Variants in NLGN1 observed in about 807,000 individuals in gnomAD.
NLGN1 encodes the protein neuroligin 1.
In NLGN1, 12 loss-of-function variants were observed where a neutral mutation model predicts 65.5. That is an observed-to-expected ratio of 0.18 (90% CI 0.12 to 0.30). The LOEUF is 0.30. NLGN1 is among the 10% of genes least tolerant of loss of function. The pLI is 1.00. For missense variants in NLGN1, 750 were observed against 1,007.1 expected (o/e 0.74, Z 3.46); for synonymous variants, 350 against 359.5 (o/e 0.97, Z 0.30).
At chr3:174,270,089 T>C (rs1749065847) in intron 4 of NLGN1, among the ~76,000 whole-genome samples, 1 of 151,236 alleles carries the variant, frequency 6.6e-6, no homozygotes. Flanking sequence ...AATATATAAT[T>C]TGCAATTGTT....
chr3:173,970,646 C>T (rs142540782), intron 4 of NLGN1, among the ~76,000 whole-genome samples: 76 of 152,224 alleles, frequency 5.0e-4, no homozygotes, highest in African/African-American at 1.6e-3. Flanking sequence ...CACAGTATAG[C>T]ATAGTGGCTA....
chr3:173,837,526 A>C (rs1274016678), intron 4 of NLGN1, among the ~76,000 whole-genome samples: 1 of 152,192 alleles, frequency 6.6e-6, no homozygotes, highest in African/African-American at 2.4e-5. Flanking sequence ...GATATTCATT[A>C]ATGTACAATA....
At chr3:173,936,698 A>G (rs1745133311) in intron 4 of NLGN1, among the ~76,000 whole-genome samples, 1 of 152,058 alleles carries the variant, frequency 6.6e-6, no homozygotes, top group African/African-American at 2.4e-5. Context: ...TCCTCAAGGT[A>G]TATGTCTTAT....
At chr3:173,912,590 A>G (rs1301068862) in intron 4 of NLGN1, 1 of 152,120 alleles carries the variant, frequency 6.6e-6, no homozygotes, top group African/African-American at 2.4e-5. Flanking sequence ...TATCATCTCT[A>G]AAAACATTGG....
At chr3:173,439,229 A>C (rs973845736) in intron 2 of NLGN1, among the ~76,000 whole-genome samples, 3 of 152,188 alleles carry the variant, frequency 2.0e-5, no homozygotes, top group Non-Finnish European at 4.4e-5. Context: ...TTCAAGAAGC[A>C]CTGGTTTAAA....
At position 173,714,255 on chromosome 3, in the gene NLGN1, C is replaced by T. The variant is rs151260114; in HGVS notation, c.494-93425C>T. 1.5e-4 allele frequency among the ~76,000 whole-genome samples: 23 copies of T among 152,178 alleles called. No homozygotes were observed. In the East Asian group the frequency reaches 3.1e-3, roughly 21 times the overall value. On this transcript the variant is annotated intron_variant, in intron 3 of 6. Transcript: ENST00000457714. ...AATGTATTTCCATCATTGGTAGCTA[C>T]GATTCTGGTTAACCTCTCTGCTTCT...
chr3:174,071,374 A>G (rs1041556701), intron 4 of NLGN1, among the ~76,000 whole-genome samples: 2 of 152,098 alleles, frequency 1.3e-5, no homozygotes, highest in African/African-American at 4.8e-5. Context: ...GGAGTAGGCT[A>G]TCCCATCTAA....
At chr3:173,629,786 TAA>T (rs898162581) in intron 3 of NLGN1, among the ~76,000 whole-genome samples, 1 of 151,404 alleles carries the variant, frequency 6.6e-6, no homozygotes, top group Non-Finnish European at 1.5e-5. Flanking sequence ...CTCCATTGCT[TAA>T]AAAAAAGAGA....
chr3:174,188,404 C>T (rs984548046), intron 4 of NLGN1, among the ~76,000 whole-genome samples: 10 of 151,940 alleles, frequency 6.6e-5, no homozygotes, highest in East Asian at 1.9e-4. Flanking sequence ...CCATTCACTG[C>T]GCAGTTGCTG....
chr3:173,464,091 G>A (rs1027633146), intron 2 of NLGN1, among the ~76,000 whole-genome samples: 8 of 151,876 alleles, frequency 5.3e-5, no homozygotes, highest in Admixed American at 5.3e-4. Flanking sequence ...TAAGCATTAA[G>A]GTATATAGGG....
At chr3:174,180,892 G>A (rs769604706) in intron 4 of NLGN1, 1 of 147,976 alleles carries the variant, frequency 6.8e-6, no homozygotes, top group African/African-American at 2.6e-5. Flanking sequence ...GAATGGATAT[G>A]GACTTGCTTC....
chr3:174,180,074 C>T (rs2152745270), intron 4 of NLGN1, among the ~76,000 whole-genome samples: 1 of 152,170 alleles, frequency 6.6e-6, no homozygotes, highest in African/African-American at 2.4e-5. Context: ...CTATTTATGC[C>T]CCTAGCTGCT....
chr3:173,647,982 G>C (rs1758544688), intron 3 of NLGN1, among the ~76,000 whole-genome samples: 1 of 152,062 alleles, frequency 6.6e-6, no homozygotes. Context: ...TTAATCTATG[G>C]ATTTAATGTT....
intron 2 of NLGN1, among the ~76,000 whole-genome samples, chr3:173,596,933 T>G (rs1749586434): frequency 6.6e-6 from 1 of 152,200 alleles, no homozygotes; most frequent in South Asian, 2.1e-4. Flanking sequence ...TCTATCATTC[T>G]TTACTTCCTT....
chr3:174,033,505 T>A (rs6445135), intron 4 of NLGN1, among the ~76,000 whole-genome samples: 39,579 of 151,796 alleles, frequency 0.26, 6,045 homozygotes, highest in African/African-American at 0.42. Context: ...ATGCTGGAAA[T>A]ATCAAATGGG....
At chr3:174,210,972 G>A (rs1033947653) in intron 4 of NLGN1, among the ~76,000 whole-genome samples, 3 of 152,108 alleles carry the variant, frequency 2.0e-5, no homozygotes, top group Non-Finnish European at 4.4e-5. Context: ...GAATGAAGCC[G>A]CGGACCCTCG....
chr3:173,786,141 G>A (rs1206118992), intron 3 of NLGN1, among the ~76,000 whole-genome samples: 1 of 151,988 alleles, frequency 6.6e-6, no homozygotes, highest in Non-Finnish European at 1.5e-5. Flanking sequence ...TTTTTTTTAT[G>A]CACATTCATG....
chr3:173,569,587 CT>C (rs58825067), intron 2 of NLGN1, among the ~76,000 whole-genome samples: 63,804 of 139,128 alleles, frequency 0.46, 13,560 homozygotes, highest in East Asian at 0.72. Context: ...ATCATGGTTT[CT>C]TTTTTTTTTT....
chr3:173,668,898 A>G (rs1294685500), intron 3 of NLGN1, among the ~76,000 whole-genome samples: 1 of 152,284 alleles, frequency 6.6e-6, no homozygotes, highest in Non-Finnish European at 1.5e-5. Context: ...TGCTGGGATT[A>G]CAGGCGTGAG....
Sources: allele counts gnomAD v4.1 joint callset (sites outside exome capture counted in the v4.1 genomes callset), GRCh38; gene constraint gnomAD v4.1.1; transcripts MANE v1.5; gene names NCBI Gene and HGNC (gene_info 2026-07-23, HGNC 2026-07-21).